Variants in SLC16A10 observed in about 807,000 individuals in gnomAD.
The protein encoded by SLC16A10 is solute carrier family 16 member 10, also known as monocarboxylate transporter 10.
Under a neutral mutation model 40.0 loss-of-function variants are expected in SLC16A10, and 27 were observed. The ratio of observed to expected loss-of-function variants is 0.67; its 90% CI spans 0.50 to 0.93. The LOEUF (loss-of-function observed/expected upper bound fraction) is 0.93, where lower values mean the gene tolerates loss of function less well. Ranked by LOEUF, SLC16A10 falls within the 40% of genes least tolerant of loss-of-function variation. SLC16A10 has a pLI of 0.00. For missense variants in SLC16A10, 529 were observed against 658.2 expected (o/e 0.80, Z 2.15); for synonymous variants, 213 against 249.8 (o/e 0.85, Z 1.39).
chr6:111,174,082 G>A (rs888639854), intron 2 of SLC16A10, among the ~76,000 whole-genome samples: 4 of 152,120 alleles, frequency 2.6e-5, no homozygotes, highest in South Asian at 2.1e-4. Flanking sequence ...AGTCCCTTGC[G>A]TTGGTAGAAT....
chr6:111,201,300 G>A (rs1192201455), intron 3 of SLC16A10, among the ~76,000 whole-genome samples: 5 of 152,180 alleles, frequency 3.3e-5, no homozygotes, highest in African/African-American at 1.2e-4. Flanking sequence ...TAACTACTGG[G>A]TGGGGGTAGA....
chr6:111,134,779 C>T (rs866029725), intron 1 of SLC16A10, among the ~76,000 whole-genome samples: 2 of 152,254 alleles, frequency 1.3e-5, no homozygotes, highest in South Asian at 2.1e-4. Context: ...CCCCAGGGGA[C>T]GTAGGTCCTC....
chr6:111,157,921 A>G (rs1393244797), intron 1 of SLC16A10, among the ~76,000 whole-genome samples: 1 of 151,334 alleles, frequency 6.6e-6, no homozygotes. Flanking sequence ...AAAAAAAAAG[A>G]AAAAAAGAAA....
intron 4 of SLC16A10, among the ~76,000 whole-genome samples, chr6:111,208,530 A>G (rs1368225847): frequency 6.6e-6 from 1 of 151,990 alleles, no homozygotes; most frequent in Non-Finnish European, 1.5e-5. Context: ...GTGAGCTGAG[A>G]TTGTGCCACT....
chr6:111,202,706 G>A (rs926199930), intron 3 of SLC16A10, among the ~76,000 whole-genome samples: 3 of 151,864 alleles, frequency 2.0e-5, no homozygotes, highest in Non-Finnish European at 2.9e-5. Context: ...GACCAACATG[G>A]TGAAACCCCG....
chr6:111,092,745 A>C (rs1185885536), intron 1 of SLC16A10, among the ~76,000 whole-genome samples: 1 of 152,002 alleles, frequency 6.6e-6, no homozygotes, highest in Non-Finnish European at 1.5e-5. Context: ...TTTCTTTAGA[A>C]AGTGCAATTT....
At chr6:111,103,279 A>G (rs1403792855) in intron 1 of SLC16A10, among the ~76,000 whole-genome samples, 1 of 152,002 alleles carries the variant, frequency 6.6e-6, no homozygotes, top group Admixed American at 6.6e-5. Context: ...ATGCAATGGC[A>G]CGATCTTGGC....
intron 1 of SLC16A10, among the ~76,000 whole-genome samples, chr6:111,120,504 CATA>C (rs1771564097): frequency 6.6e-6 from 1 of 152,138 alleles, no homozygotes; most frequent in African/African-American, 2.4e-5. Context: ...AAATATCAGA[CATA>C]ATGACTTTTA....
intron 3 of SLC16A10, among the ~76,000 whole-genome samples, chr6:111,202,684 C>T (rs1235435): frequency 6.6e-6 from 1 of 151,608 alleles, no homozygotes; most frequent in Non-Finnish European, 1.5e-5. Context: ...GTCAGGAGTT[C>T]GAGACCAGCC....
chr6:111,203,026 T>C (rs1773198016), intron 3 of SLC16A10, among the ~76,000 whole-genome samples: 1 of 152,092 alleles, frequency 6.6e-6, no homozygotes, highest in Non-Finnish European at 1.5e-5. Context: ...GTGTAGACAG[T>C]GACCTCTAGT....
chr6:111,196,014 A>G (rs191801548), intron 3 of SLC16A10, among the ~76,000 whole-genome samples: 448 of 152,046 alleles, frequency 2.9e-3, no homozygotes, highest in African/African-American at 0.01. Context: ...AAAACAATAA[A>G]AAAACACTGG....
Position 111,231,019 on chromosome 6 carries a change from A to T in SLC16A10, c.*8784A>T, listed in dbSNP as rs992279777. The T allele has an allele frequency of 6.6e-6, 1 of 152,188 alleles. No individual in the cohort carries two copies. Among genetic ancestry groups the T allele is most frequent in the African/African-American group, 2.4e-5 (1 of 41,446 alleles). 9.4% of individuals were successfully genotyped at this position (152,188 alleles called of 1,614,324 possible). A position where few individuals can be genotyped will look rare whatever the true frequency, so the allele number is the denominator to read the frequency against. ...TATTTTAGTACTTTTTAAAAAATGT[A>T]TGCTTCTTTTTGAAGACTATAATTT... On this transcript the variant is annotated 3_prime_UTR_variant, in exon 6 of 6. Transcript: ENST00000368851.
Position 111,152,350 on chromosome 6 carries a change from T to A in SLC16A10, c.344-20345T>A, listed in dbSNP as rs75277283. On this transcript the variant is annotated intron_variant, in intron 1 of 5. Coordinates refer to ENST00000368851, the MANE Select transcript of SLC16A10 (RefSeq NM_018593.5). ...GTGTCTGTTTTGTTCACTGCTGTTTTCTCAGCATCTAGAATAGTGCTGGCA... is the reference window on the plus strand; with the variant it reads ...GTGTCTGTTTTGTTCACTGCTGTTTACTCAGCATCTAGAATAGTGCTGGCA... 6.5e-3 allele frequency among the ~76,000 whole-genome samples: 986 copies of A among 152,350 alleles called. 5 individuals are homozygous for A. Among genetic ancestry groups the A allele is most frequent in the Non-Finnish European group, 0.011 (730 of 68,034 alleles).
intron 3 of SLC16A10, among the ~76,000 whole-genome samples, chr6:111,198,022 C>T (rs1192336246): frequency 6.6e-6 from 1 of 152,182 alleles, no homozygotes; most frequent in African/African-American, 2.4e-5. Flanking sequence ...CACGGTGGCT[C>T]ACGCCTGTAA....
intron 1 of SLC16A10, among the ~76,000 whole-genome samples, chr6:111,145,531 C>G (rs898791247): frequency 3.9e-5 from 6 of 152,142 alleles, no homozygotes; most frequent in African/African-American, 1.4e-4. Flanking sequence ...TGCATAGCCA[C>G]AGGAAAAAGA....
intron 4 of SLC16A10, among the ~76,000 whole-genome samples, chr6:111,217,750 A>G (rs993912220): frequency 6.6e-6 from 1 of 151,996 alleles, no homozygotes; most frequent in African/African-American, 2.4e-5. Flanking sequence ...GTGCCCGGCC[A>G]TGAATGGTTC....
chr6:111,100,490 G>A (rs1771155185), intron 1 of SLC16A10, among the ~76,000 whole-genome samples: 1 of 152,050 alleles, frequency 6.6e-6, no homozygotes, highest in Non-Finnish European at 1.5e-5. Flanking sequence ...CCGTGTACAA[G>A]CGATTCTCCT....
At chr6:111,221,329 A>G (rs1372460892) in intron 5 of SLC16A10, among the ~76,000 whole-genome samples, 1 of 152,346 alleles carries the variant, frequency 6.6e-6, no homozygotes, top group Non-Finnish European at 1.5e-5. Flanking sequence ...ACCTTAGTCT[A>G]TTTCCAAAAT....
intron 3 of SLC16A10, among the ~76,000 whole-genome samples, chr6:111,184,584 C>T (rs779879222): frequency 8.6e-5 from 13 of 151,650 alleles, no homozygotes; most frequent in Admixed American, 3.9e-4. Context: ...TGGGTTCAAG[C>T]GATTCTTCTG....
Sources: gnomAD v4.1 joint callset for allele counts (sites outside exome capture counted in the v4.1 genomes callset) on GRCh38, gnomAD v4.1.1 for gene constraint, MANE v1.5 for transcripts, NCBI Gene and HGNC (gene_info 2026-07-23, HGNC 2026-07-21) for gene names.